The following GRIK1 variants were observed in gnomAD, a reference collection of about 807,000 sequenced individuals.
GRIK1 encodes glutamate ionotropic receptor kainate type subunit 1, also known as glutamate receptor ionotropic, kainate 1.
Under a neutral mutation model 105.7 loss-of-function variants are expected in GRIK1, and 69 were observed. That is an observed-to-expected ratio of 0.65 (90% CI 0.54 to 0.80). The LOEUF is 0.80. Among genes scored for constraint, GRIK1 ranks in the 30% least tolerant of loss-of-function variants. GRIK1 has a pLI of 0.00. For missense variants in GRIK1, 1,109 were observed against 1,167.3 expected, an observed-to-expected ratio of 0.95 and a Z score of 0.73; for synonymous variants, 438 against 431.3, an observed-to-expected ratio of 1.02 and a Z score of -0.19.
At chr21:29,789,900 G>T (rs1336704837) in intron 1 of GRIK1, among the ~76,000 whole-genome samples, 1 of 152,166 alleles carries the variant, frequency 6.6e-6, no homozygotes, top group Non-Finnish European at 1.5e-5. Context: ...TGCCTATAAA[G>T]TTTTAGTAAG....
chr21:29,936,161 C>A (rs1340491664), intron 1 of GRIK1, among the ~76,000 whole-genome samples: 1 of 152,162 alleles, frequency 6.6e-6, no homozygotes, highest in South Asian at 2.1e-4. Flanking sequence ...CTTTCTGACA[C>A]CAAAACATGC....
intron 12 of GRIK1, among the ~76,000 whole-genome samples, chr21:29,582,583 T>C (rs1020213226): frequency 8.5e-5 from 13 of 152,128 alleles, no homozygotes; most frequent in Non-Finnish European, 4.4e-5. Flanking sequence ...TATTTTTTGT[T>C]CTTTCTCTAT....
At chr21:29,909,068 G>A (rs143925404) in intron 1 of GRIK1, among the ~76,000 whole-genome samples, 1,724 of 151,848 alleles carry the variant, frequency 0.011, 33 homozygotes, top group African/African-American at 0.039. Flanking sequence ...AAATCTTCCC[G>A]TGTTTGTTAC....
intron 1 of GRIK1, among the ~76,000 whole-genome samples, chr21:29,738,692 T>C (rs951378806): frequency 6.6e-6 from 1 of 152,236 alleles, no homozygotes; most frequent in Non-Finnish European, 1.5e-5. Context: ...ATTCACAGAC[T>C]GTACAAGGTG....
At chr21:29,646,014 C>A (rs1943230305) in intron 6 of GRIK1, among the ~76,000 whole-genome samples, 1 of 152,172 alleles carries the variant, frequency 6.6e-6, no homozygotes, top group South Asian at 2.1e-4. Flanking sequence ...AGATTGGCCC[C>A]TTGACTGGCT....
intron 7 of GRIK1, among the ~76,000 whole-genome samples, chr21:29,603,303 C>G (rs2061552662): frequency 6.6e-6 from 1 of 151,522 alleles, no homozygotes; most frequent in African/African-American, 2.4e-5. Context: ...TAAGCTGTCT[C>G]GATGGCAAAC....
Position 29,690,004 on chromosome 21 carries a change from G to C in GRIK1, c.287-19C>G. 6.4e-7 allele frequency: 1 copy of C among 1,555,042 alleles called. No homozygotes were observed. ...TCACATGCTGATGCCCAAGGACAAGGAGAGGATGGGGAGGGAGGGCAGGGA... is the reference window on the plus strand; with the variant it reads ...TCACATGCTGATGCCCAAGGACAAGCAGAGGATGGGGAGGGAGGGCAGGGA... On this transcript the variant is annotated intron_variant, in intron 2 of 17. Transcript: ENST00000327783.
At chr21:29,790,291 C>G (rs1281923755) in intron 1 of GRIK1, among the ~76,000 whole-genome samples, 1 of 152,140 alleles carries the variant, frequency 6.6e-6, no homozygotes, top group Non-Finnish European at 1.5e-5. Flanking sequence ...TCATGATCTG[C>G]CCACCTCGGC....
intron 1 of GRIK1, among the ~76,000 whole-genome samples, chr21:29,856,412 A>G (rs2068466298): frequency 6.6e-6 from 1 of 152,218 alleles, no homozygotes; most frequent in African/African-American, 2.4e-5. Context: ...TGATCACATG[A>G]TAATTACAAA....
intron 14 of GRIK1, among the ~76,000 whole-genome samples, chr21:29,575,506 A>G (rs1249168409): frequency 6.6e-6 from 1 of 152,160 alleles, no homozygotes; most frequent in Non-Finnish European, 1.5e-5. Context: ...TTTGAACTCA[A>G]TGGAAATAAT....
At chr21:29,937,222 G>T (rs1424172681) in intron 1 of GRIK1, among the ~76,000 whole-genome samples, 1 of 152,126 alleles carries the variant, frequency 6.6e-6, no homozygotes, top group Non-Finnish European at 1.5e-5. Flanking sequence ...AGGTAAAGCT[G>T]GTTTCCACAG....
In GRIK1 at chr21:29,933,359, T is replaced by A. The variant is rs146282427; in HGVS notation, c.118+6024A>T. On this transcript the variant is annotated intron_variant, in intron 1 of 17. Transcript: ENST00000327783. ...TGTTACTGGCCCATGTTGCCTCAAG[T>A]GTGCTCTGGGGAGCATGAGTTGAGT... Among the ~76,000 whole-genome samples the A allele has an allele frequency of 3.3e-3, 495 of 152,296 alleles. 2 individuals are homozygous for A. The highest frequency in any genetic ancestry group is 0.011 in the African/African-American group (472 of 41,570).
intron 4 of GRIK1, among the ~76,000 whole-genome samples, chr21:29,664,109 G>T (rs1314571688): frequency 6.6e-6 from 1 of 152,182 alleles, no homozygotes; most frequent in Non-Finnish European, 1.5e-5. Context: ...GACAGAGCAG[G>T]AGAAACTGGT....
chr21:29,925,825 G>A (rs1357341109), intron 1 of GRIK1, among the ~76,000 whole-genome samples: 1 of 152,132 alleles, frequency 6.6e-6, no homozygotes, highest in Non-Finnish European at 1.5e-5. Flanking sequence ...TTCTCAAAAA[G>A]TGAGTGACAG....
chr21:29,932,543 A>G (rs2071603873), intron 1 of GRIK1, among the ~76,000 whole-genome samples: 3 of 152,176 alleles, frequency 2.0e-5, no homozygotes, highest in Middle Eastern at 3.4e-3. Flanking sequence ...CCTCTCCAAG[A>G]TTAACTATTT....
chr21:29,547,350 GAC>G (rs2090065890), intron 16 of GRIK1, among the ~76,000 whole-genome samples: 1 of 152,240 alleles, frequency 6.6e-6, no homozygotes, highest in African/African-American at 2.4e-5. Context: ...GTCCAAGAGA[GAC>G]ACATAACCAT....
At position 29,825,298 on chromosome 21, in the gene GRIK1, A is replaced by G. The variant is rs1417800391; in HGVS notation, c.118+114085T>C. On this transcript the variant is annotated intron_variant, in intron 1 of 17. Transcript: ENST00000327783. ...TGCTGTATTTCTAAGTTTTAAAACA[A>G]TAGTGCATTATGATATTGAGAGTAT... 1.2e-4 allele frequency among the ~76,000 whole-genome samples: 19 copies of G among 152,206 alleles called. No homozygotes were observed. The East Asian group carries it at 3.5e-3, about 28-fold the overall frequency.
intron 1 of GRIK1, among the ~76,000 whole-genome samples, chr21:29,723,613 G>A (rs2064379550): frequency 6.6e-6 from 1 of 152,214 alleles, no homozygotes; most frequent in South Asian, 2.1e-4. Context: ...ATTCATATCA[G>A]AGATATTGGG....
intron 1 of GRIK1, among the ~76,000 whole-genome samples, chr21:29,930,507 T>G (rs1362263357): frequency 1.3e-5 from 2 of 152,200 alleles, no homozygotes; most frequent in Non-Finnish European, 2.9e-5. Flanking sequence ...AAGTATTGAT[T>G]TTTAAAGGCA....
Sources: gnomAD v4.1 joint callset for allele counts (sites outside exome capture counted in the v4.1 genomes callset) on GRCh38, gnomAD v4.1.1 for gene constraint, MANE v1.5 for transcripts, NCBI Gene and HGNC (gene_info 2026-07-23, HGNC 2026-07-21) for gene names.